The following CDH18 variants were observed in gnomAD, a reference collection of about 807,000 sequenced individuals.
The protein encoded by CDH18 is cadherin 18, also known as cadherin-18.
A neutral mutation model predicts 67.9 loss-of-function variants in CDH18; 31 were observed. That is an observed-to-expected ratio of 0.46 (90% confidence interval 0.34 to 0.62). The LOEUF (loss-of-function observed/expected upper bound fraction) is 0.62, where lower values mean the gene tolerates loss of function less well. CDH18 is among the 20% of genes least tolerant of loss of function. CDH18 has a pLI of 0.01. For missense variants in CDH18, 890 were observed against 975.5 expected, an observed-to-expected ratio of 0.91 and a Z score of 1.17; for synonymous variants, 362 against 347.2, an observed-to-expected ratio of 1.04 and a Z score of -0.48.
rs115437471 is a variant in CDH18, at chr5:19,876,424, A to G, written c.-256-37182T>C. On this transcript the variant is annotated intron_variant, in intron 2 of 12. Coordinates refer to ENST00000382275, the MANE Select transcript of CDH18 (RefSeq NM_004934.5). ...TAAGGTACAACTAGATGGTTTATAA[A>G]CAATAACGGGCCAGAGAGTTCCCGT... Among the ~76,000 whole-genome samples the G allele has an allele frequency of 5.8e-3, 881 of 152,258 alleles. 12 individuals are homozygous for G. Among genetic ancestry groups the G allele is most frequent in the African/African-American group, 0.02 (836 of 41,570 alleles).
At position 20,508,659 on chromosome 5, in the gene CDH18, G is replaced by T. The variant is rs529940734; in HGVS notation, c.-580+66803C>A. On this transcript the variant is annotated intron_variant, in intron 1 of 14. Coordinates refer to the CDH18 transcript ENST00000507958. ...ATCCTGTGTGTGGCAAGAATATAGA[G>T]TTTGCAGGAGTAAGAAAAGCTAGCT... Among the ~76,000 whole-genome samples, 6 of 151,956 alleles carry T rather than the reference G, an allele frequency of 3.9e-5. No homozygotes were observed. In the South Asian group the frequency reaches 1.2e-3, roughly 32 times the overall value.
rs1258890425 is a variant in CDH18 at position 19,838,815 on chromosome 5, T to A, written c.172A>T (p.Asn58Tyr). Residue 58 changes from asparagine to tyrosine, a missense_variant, in exon 3 of 13, where the codon AAT becomes TAT. Transcript: ENST00000382275. ...HHRPKRGWVWNQFFVLEEHMG... is the reference protein window; with the variant it reads ...HHRPKRGWVWYQFFVLEEHMG... ...TGTTCTTCTAAAACAAAGAACTGAT[T>A]CCATACCCATCCCCTTTTGGGACGA... 1 of 1,613,944 alleles carries A rather than the reference T, an allele frequency of 6.2e-7. No homozygotes were observed. Among genetic ancestry groups the A allele is most frequent in the Non-Finnish European group, 8.5e-7 (1 of 1,179,964 alleles).
At chr5:20,467,811 A>G (rs1437275413) in intron 1 of CDH18, among the ~76,000 whole-genome samples, 1 of 152,182 alleles carries the variant, frequency 6.6e-6, no homozygotes, top group Admixed American at 6.5e-5. Context: ...CTGAAATAGA[A>G]ATAGTAGGCA....
chr5:19,653,415 C>T (rs966069153), intron 5 of CDH18, among the ~76,000 whole-genome samples: 2 of 151,886 alleles, frequency 1.3e-5, no homozygotes, highest in Non-Finnish European at 2.9e-5. Flanking sequence ...ACTGTAATCA[C>T]GGGTTGGTAC....
At chr5:19,528,533 A>G (rs1748099070) in intron 9 of CDH18, among the ~76,000 whole-genome samples, 1 of 151,904 alleles carries the variant, frequency 6.6e-6, no homozygotes, top group Non-Finnish European at 1.5e-5. Flanking sequence ...GTATAAATAT[A>G]TTGAAATGCA....
intron 1 of CDH18, among the ~76,000 whole-genome samples, chr5:20,532,634 T>G (rs1289554173): frequency 2.6e-5 from 4 of 152,096 alleles, no homozygotes; most frequent in African/African-American, 9.6e-5. Context: ...TTGCCATCTC[T>G]TATCCCAGAA....
intron 6 of CDH18, among the ~76,000 whole-genome samples, chr5:19,592,683 C>T (rs1392647725): frequency 6.6e-6 from 1 of 152,164 alleles, no homozygotes; most frequent in Non-Finnish European, 1.5e-5. Flanking sequence ...GATAAGAACA[C>T]TTAATATGAG....
intron 2 of CDH18, among the ~76,000 whole-genome samples, chr5:19,893,487 A>G (rs183574434): frequency 6.6e-6 from 1 of 152,306 alleles, no homozygotes; most frequent in Non-Finnish European, 1.5e-5. Flanking sequence ...TCAGGACCAC[A>G]TAGACTGACA....
At chr5:20,004,467 A>C (rs1261926440) in intron 2 of CDH18, among the ~76,000 whole-genome samples, 1 of 152,192 alleles carries the variant, frequency 6.6e-6, no homozygotes, top group East Asian at 1.9e-4. Context: ...TGGAGAGAAC[A>C]CTTCACCCAA....
intron 1 of CDH18, among the ~76,000 whole-genome samples, chr5:20,269,974 G>T (rs1168645659): frequency 1.7e-4 from 26 of 152,122 alleles, no homozygotes; most frequent in Admixed American, 1.1e-3. Flanking sequence ...TGTCACCTAT[G>T]AAGCAAGCCT....
rs1554054958 is a variant in CDH18 at position 19,593,707 on chromosome 5, CCTTCTTCTT to C, written c.812-2472_812-2464del. On this transcript the variant is annotated intron_variant, in intron 6 of 12. Transcript: ENST00000382275. ...TCCTTCTCTTCCTCTTCCTCCTCCT[CCTTCTTCTT>C]CTTCTTCTTCTTCTTCTTCTTCTTC... is the stretch of plus-strand genomic sequence containing the variant. Among the ~76,000 whole-genome samples, 277 of 31,990 alleles carry C rather than the reference CCTTCTTCTT, an allele frequency of 8.7e-3. 1 individual carries two copies. The highest frequency in any genetic ancestry group is 0.024 in the East Asian group (1 of 42). The allele number at this position is 31,990 out of a possible 152,430, so 21.0% of individuals were successfully genotyped here. A position where few individuals can be genotyped will look rare whatever the true frequency, so the allele number is the denominator to read the frequency against.
intron 4 of CDH18, among the ~76,000 whole-genome samples, chr5:19,731,792 T>C (rs1375255474): frequency 1.3e-5 from 2 of 152,144 alleles, no homozygotes; most frequent in East Asian, 1.9e-4. Flanking sequence ...GGTGTCACCA[T>C]CAAGAATTAA....
chr5:19,844,347 G>C (rs1156513547), intron 2 of CDH18, among the ~76,000 whole-genome samples: 1 of 152,086 alleles, frequency 6.6e-6, no homozygotes, highest in Non-Finnish European at 1.5e-5. Context: ...TCATGATAAT[G>C]AGTTGTCATG....
chr5:19,867,277 G>A (rs1449666185), intron 2 of CDH18, among the ~76,000 whole-genome samples: 1 of 151,996 alleles, frequency 6.6e-6, no homozygotes, highest in Non-Finnish European at 1.5e-5. Flanking sequence ...GGACCCTTTA[G>A]GAGGAACTAA....
chr5:19,594,704 C>T (rs935588179), intron 6 of CDH18, among the ~76,000 whole-genome samples: 1 of 152,070 alleles, frequency 6.6e-6, no homozygotes, highest in Admixed American at 6.6e-5. Flanking sequence ...CTTTGTCTTT[C>T]CACATATATT....
chr5:19,752,799 C>A (rs1391554350), intron 3 of CDH18, among the ~76,000 whole-genome samples: 3 of 152,154 alleles, frequency 2.0e-5, no homozygotes, highest in African/African-American at 7.2e-5. Flanking sequence ...CCACCTCCAC[C>A]AGAACAGGTG....
intron 2 of CDH18, among the ~76,000 whole-genome samples, chr5:19,901,402 T>C (rs1002751341): frequency 5.9e-5 from 9 of 152,230 alleles, no homozygotes; most frequent in African/African-American, 2.2e-4. Context: ...TCTTTCTTCA[T>C]GAGCCAAACT....
At chr5:19,638,623 G>A (rs1753512867) in intron 5 of CDH18, among the ~76,000 whole-genome samples, 1 of 151,120 alleles carries the variant, frequency 6.6e-6, no homozygotes, top group African/African-American at 2.4e-5. Flanking sequence ...GTATCAGCAA[G>A]TGGAACAGTA....
chr5:20,047,031 C>T (rs984318016), intron 2 of CDH18, among the ~76,000 whole-genome samples: 15 of 151,614 alleles, frequency 9.9e-5, no homozygotes, highest in Admixed American at 4.6e-4. Context: ...GAAAGAAACA[C>T]GAGAGAGTAG....
Sources: allele counts gnomAD v4.1 joint callset (sites outside exome capture counted in the v4.1 genomes callset), GRCh38; gene constraint gnomAD v4.1.1; transcripts MANE v1.5; gene names NCBI Gene and HGNC (gene_info 2026-07-23, HGNC 2026-07-21).